GRID2: variants seen among roughly 807,000 people sequenced by gnomAD.
The protein encoded by GRID2 is glutamate receptor ionotropic, delta-2.
In GRID2, 33 loss-of-function variants were observed where a neutral mutation model predicts 114.8. That is an observed-to-expected ratio of 0.29 (90% CI 0.22 to 0.38). The LOEUF is 0.38. GRID2 is among the 10% of genes least tolerant of loss of function. The pLI is 1.00. For synonymous variants in GRID2, 505 were observed against 449.9 expected, an observed-to-expected ratio of 1.12 and a Z score of -1.55; for missense variants, 1,184 against 1,257.7, an observed-to-expected ratio of 0.94 and a Z score of 0.89.
chr4:93,089,315 A>G (rs1314697711), intron 3 of GRID2, among the ~76,000 whole-genome samples: 2 of 152,176 alleles, frequency 1.3e-5, no homozygotes, highest in Non-Finnish European at 2.9e-5. Context: ...TACTAATGCC[A>G]AGGGAAAATA....
At chr4:92,589,867 T>C (rs2149210716) in intron 1 of GRID2, among the ~76,000 whole-genome samples, 1 of 152,276 alleles carries the variant, frequency 6.6e-6, no homozygotes, top group East Asian at 1.9e-4. Context: ...GTAGAAGCTT[T>C]TTATACCTAT....
At chr4:92,377,266 C>T (rs1385124047) in intron 1 of GRID2, among the ~76,000 whole-genome samples, 3 of 152,134 alleles carry the variant, frequency 2.0e-5, no homozygotes, top group Non-Finnish European at 4.4e-5. Flanking sequence ...CAAAGTTCCA[C>T]ACATCTCTGG....
At chr4:92,472,046 G>A in intron 1 of GRID2, among the ~76,000 whole-genome samples, 1 of 98,834 alleles carries the variant, frequency 1.0e-5, no homozygotes, top group Non-Finnish European at 2.0e-5. Context: ...CCATTCTCCT[G>A]CCTCGGCCTC....
At chr4:92,435,696 C>A (rs1732704601) in intron 1 of GRID2, among the ~76,000 whole-genome samples, 1 of 152,158 alleles carries the variant, frequency 6.6e-6, no homozygotes, top group South Asian at 2.1e-4. Context: ...CATGCCATTG[C>A]AGAGAAGAGT....
At chr4:93,323,126 T>C (rs1431651354) in intron 8 of GRID2, among the ~76,000 whole-genome samples, 1 of 152,030 alleles carries the variant, frequency 6.6e-6, no homozygotes, top group Non-Finnish European at 1.5e-5. Context: ...TTGCCCATGC[T>C]TCTGTCCTGA....
At chr4:93,536,357 A>G (rs553212621) in intron 13 of GRID2, among the ~76,000 whole-genome samples, 126 of 152,042 alleles carry the variant, frequency 8.3e-4, no homozygotes, top group Non-Finnish European at 1.5e-3. Flanking sequence ...AAAAACAGAC[A>G]CATAGGCTAA....
chr4:92,479,549 CTTTA>C (rs1180651499), intron 1 of GRID2, among the ~76,000 whole-genome samples: 2 of 152,008 alleles, frequency 1.3e-5, no homozygotes, highest in Non-Finnish European at 2.9e-5. Flanking sequence ...TGATGATGTT[CTTTA>C]TTTTACATAT....
At chr4:92,740,318 C>A (rs1209188213) in intron 2 of GRID2, among the ~76,000 whole-genome samples, 1 of 152,202 alleles carries the variant, frequency 6.6e-6, no homozygotes, top group African/African-American at 2.4e-5. Context: ...TGCCTTTCTG[C>A]ATTTTTCTTT....
chr4:93,252,329 A>ATTTTTT (rs56056248), intron 8 of GRID2, among the ~76,000 whole-genome samples: 7 of 119,744 alleles, frequency 5.8e-5, no homozygotes, highest in East Asian at 2.5e-4. Context: ...GGAATCCTTC[A>ATTTTTT]TTTTTTTTTT....
chr4:92,836,786 G>C (rs1742491068), intron 2 of GRID2, among the ~76,000 whole-genome samples: 1 of 152,076 alleles, frequency 6.6e-6, no homozygotes, highest in South Asian at 2.1e-4. Flanking sequence ...AATTGACTTA[G>C]TTTAGTATTT....
chr4:92,465,487 T>C (rs2149091144), intron 1 of GRID2, among the ~76,000 whole-genome samples: 1 of 152,256 alleles, frequency 6.6e-6, no homozygotes, highest in South Asian at 2.1e-4. Flanking sequence ...ACAAATTATT[T>C]ATATAGAGCT....
chr4:93,787,614 G>A (rs1274240543), intron 1 of GRID2, among the ~76,000 whole-genome samples: 1 of 152,048 alleles, frequency 6.6e-6, no homozygotes. Context: ...TTTACCTACT[G>A]GTCATTGTCT....
chr4:92,770,298 A>G (rs1220874961), intron 2 of GRID2, among the ~76,000 whole-genome samples: 1 of 152,144 alleles, frequency 6.6e-6, no homozygotes, highest in African/African-American at 2.4e-5. Flanking sequence ...TATTGTTCAT[A>G]TCACTATCAG....
intron 8 of GRID2, among the ~76,000 whole-genome samples, chr4:93,334,016 T>C (rs1758768802): frequency 6.6e-6 from 1 of 152,172 alleles, no homozygotes; most frequent in South Asian, 2.1e-4. Flanking sequence ...TTGTTTGTCA[T>C]AGACTCTACT....
At chr4:92,720,241 A>G (rs994054601) in intron 2 of GRID2, among the ~76,000 whole-genome samples, 1 of 152,108 alleles carries the variant, frequency 6.6e-6, no homozygotes, top group Non-Finnish European at 1.5e-5. Context: ...AGAAAATTAC[A>G]CAGGTAAAAT....
At chr4:93,757,620 A>G (rs1252654226) in intron 14 of GRID2, among the ~76,000 whole-genome samples, 9 of 152,176 alleles carry the variant, frequency 5.9e-5, no homozygotes, top group Non-Finnish European at 1.3e-4. Context: ...CTGGAATTGG[A>G]GGTTAACATC....
At chr4:92,443,044 G>T (rs1733205200) in intron 1 of GRID2, among the ~76,000 whole-genome samples, 1 of 152,030 alleles carries the variant, frequency 6.6e-6, no homozygotes, top group South Asian at 2.1e-4. Flanking sequence ...AGGTCAGATG[G>T]GTCTGTAGAA....
intron 1 of GRID2, among the ~76,000 whole-genome samples, chr4:92,455,986 T>C (rs1721193887): frequency 6.6e-6 from 1 of 152,208 alleles, no homozygotes; most frequent in Non-Finnish European, 1.5e-5. Flanking sequence ...GGTTGCTTAT[T>C]TCATATATTT....
chr4:92,610,580 C>A (rs559358911), intron 2 of GRID2, among the ~76,000 whole-genome samples: 1 of 151,484 alleles, frequency 6.6e-6, no homozygotes, highest in Non-Finnish European at 1.5e-5. Context: ...TCGTCCTTCA[C>A]GCTGTACTGA....
Sources: allele counts gnomAD v4.1 joint callset (sites outside exome capture counted in the v4.1 genomes callset), GRCh38; gene constraint gnomAD v4.1.1; transcripts MANE v1.5; gene names NCBI Gene and HGNC (gene_info 2026-07-23, HGNC 2026-07-21).